Variants in CERS6 observed in about 807,000 individuals in gnomAD.
CERS6 encodes LAG1 homolog, ceramide synthase 6.
A neutral mutation model predicts 56.8 loss-of-function variants in CERS6; 26 were observed. The observed-to-expected ratio is 0.46, with a 90% CI of 0.34 to 0.63. The LOEUF is 0.63. Among genes scored for constraint, CERS6 ranks in the 30% least tolerant of loss-of-function variants. CERS6 has a pLI of 0.01. For missense variants in CERS6, 415 were observed against 467.5 expected (o/e 0.89, Z 1.04); for synonymous variants, 164 against 173.3 (o/e 0.95, Z 0.42).
intron 1 of CERS6, among the ~76,000 whole-genome samples, chr2:168,504,293 C>T (rs1018224462): frequency 6.6e-6 from 1 of 152,012 alleles, no homozygotes; most frequent in Admixed American, 6.6e-5. Context: ...GTCCCAGCTA[C>T]TTGGGAGGCT....
intron 1 of CERS6, among the ~76,000 whole-genome samples, chr2:168,494,405 A>C (rs1417493841): frequency 6.6e-6 from 1 of 152,186 alleles, no homozygotes; most frequent in Non-Finnish European, 1.5e-5. Context: ...CTTCAGTTTC[A>C]TCATCTGTGA....
chr2:168,720,998 T>G (rs994137731), intron 8 of CERS6, among the ~76,000 whole-genome samples: 1 of 152,206 alleles, frequency 6.6e-6, no homozygotes, highest in African/African-American at 2.4e-5. Context: ...CCTACAAGAT[T>G]ATAATGGACC....
intron 3 of CERS6, among the ~76,000 whole-genome samples, chr2:168,570,839 G>A (rs1409132767): frequency 1.3e-5 from 2 of 152,138 alleles, no homozygotes; most frequent in Non-Finnish European, 2.9e-5. Flanking sequence ...GGGATTAAGT[G>A]AGGGGATGTT....
At chr2:168,580,295 C>G (rs1683377740) in intron 3 of CERS6, among the ~76,000 whole-genome samples, 1 of 151,674 alleles carries the variant, frequency 6.6e-6, no homozygotes, top group Non-Finnish European at 1.5e-5. Context: ...ATTTTATGTT[C>G]TTTCTCTCCC....
chr2:168,549,083 G>C (rs1439389379), intron 2 of CERS6, among the ~76,000 whole-genome samples: 1 of 152,050 alleles, frequency 6.6e-6, no homozygotes, highest in Non-Finnish European at 1.5e-5. Context: ...AGGTTCATTT[G>C]TAAGTGTGAT....
intron 8 of CERS6, among the ~76,000 whole-genome samples, chr2:168,758,060 T>C (rs906883432): frequency 6.6e-6 from 1 of 152,238 alleles, no homozygotes; most frequent in Non-Finnish European, 1.5e-5. Context: ...ATGCCCACTT[T>C]TTTTGTTCGG....
In CERS6 at chr2:168,773,554, T is replaced by C. The variant is rs1293400987; in HGVS notation, c.*3892T>C. 6.6e-6 allele frequency: 1 copy of C among 152,204 alleles called. No individual in the cohort carries two copies. Among genetic ancestry groups the C allele is most frequent in the Non-Finnish European group, 1.5e-5 (1 of 68,046 alleles). The allele number at this position is 152,204 out of a possible 1,614,324, so 9.4% of individuals were successfully genotyped here. A position where few individuals can be genotyped will look rare whatever the true frequency, so the allele number is the denominator to read the frequency against. On this transcript the variant is annotated 3_prime_UTR_variant, in exon 10 of 10. Coordinates refer to ENST00000305747, the MANE Select transcript of CERS6 (RefSeq NM_203463.3). ...AAAAGTGATCACATGGCAGTTGCAG[T>C]AACTTGTATGGAAAGAGAAAATGCA... is the stretch of plus-strand genomic sequence containing the variant.
chr2:168,529,688 A>G (rs573502093), intron 1 of CERS6, among the ~76,000 whole-genome samples: 13 of 152,334 alleles, frequency 8.5e-5, no homozygotes, highest in African/African-American at 3.1e-4. Flanking sequence ...TTCAGTTTTT[A>G]GTTCAAGTTA....
At chr2:168,461,209 A>T (rs749499350) in intron 1 of CERS6, among the ~76,000 whole-genome samples, 1 of 152,206 alleles carries the variant, frequency 6.6e-6, no homozygotes, top group Admixed American at 6.5e-5. Flanking sequence ...TGGTTTTCTC[A>T]TGCAATCAGT....
rs35865470 is a variant in CERS6 at position 168,645,142 on chromosome 2, T to TAGAGAGAG, written c.465+14141_465+14148dup. Among the ~76,000 whole-genome samples, 113 of 12,742 alleles carry TAGAGAGAG rather than the reference T, an allele frequency of 8.9e-3. 5 individuals carry two copies. The highest frequency in any genetic ancestry group is 0.14 in the Middle Eastern group (2 of 14). 8.4% of individuals were successfully genotyped at this position (12,742 alleles called of 152,430 possible). ...ATATATATATATATATATATATATA[T>TAGAGAGAG]AGAGAGAGAGAGAGAGAGAGAGAGA... is the stretch of plus-strand genomic sequence containing the variant. On this transcript the variant is annotated intron_variant, in intron 4 of 9. Transcript: ENST00000305747.
chr2:168,484,969 A>G (rs1037651558), intron 1 of CERS6, among the ~76,000 whole-genome samples: 3 of 152,216 alleles, frequency 2.0e-5, no homozygotes, highest in Non-Finnish European at 4.4e-5. Context: ...ATAACTAGGC[A>G]TATTGGAAGT....
chr2:168,545,424 G>A (rs1388267200), intron 1 of CERS6, among the ~76,000 whole-genome samples: 3 of 152,014 alleles, frequency 2.0e-5, no homozygotes, highest in Non-Finnish European at 4.4e-5. Flanking sequence ...AAAGAAAATA[G>A]AGTTTTAAAA....
intron 1 of CERS6, among the ~76,000 whole-genome samples, chr2:168,464,586 T>C (rs1693837306): frequency 6.6e-6 from 1 of 151,850 alleles, no homozygotes; most frequent in Non-Finnish European, 1.5e-5. Flanking sequence ...ATGAAGTAAC[T>C]GATATTAACA....
chr2:168,696,214 C>G (rs904018354), intron 6 of CERS6, among the ~76,000 whole-genome samples: 2 of 152,104 alleles, frequency 1.3e-5, no homozygotes, highest in African/African-American at 4.8e-5. Context: ...GAAACTAAGC[C>G]TTACATACAA....
chr2:168,479,989 G>C (rs1181717272), intron 1 of CERS6, among the ~76,000 whole-genome samples: 4 of 152,188 alleles, frequency 2.6e-5, no homozygotes, highest in Non-Finnish European at 4.4e-5. Flanking sequence ...CCATTTGTTA[G>C]AGCTGTGATG....
intron 4 of CERS6, among the ~76,000 whole-genome samples, chr2:168,645,866 G>T (rs942037355): frequency 7.1e-6 from 1 of 140,466 alleles, no homozygotes; most frequent in Non-Finnish European, 1.5e-5. Context: ...CAAAAGACAT[G>T]CTCTTGTTCT....
At chr2:168,570,149 A>G (rs1291782936) in intron 3 of CERS6, among the ~76,000 whole-genome samples, 3 of 152,162 alleles carry the variant, frequency 2.0e-5, no homozygotes. Flanking sequence ...CAGATTCTCA[A>G]TTTAGGACGA....
intron 1 of CERS6, among the ~76,000 whole-genome samples, chr2:168,537,994 A>G (rs2105366723): frequency 6.6e-6 from 1 of 152,072 alleles, no homozygotes; most frequent in East Asian, 1.9e-4. Context: ...CTGTCAGTGG[A>G]TCCTGTGAGT....
chr2:168,767,025 A>C (rs527501641), intron 9 of CERS6, among the ~76,000 whole-genome samples: 1 of 152,368 alleles, frequency 6.6e-6, no homozygotes, highest in South Asian at 2.1e-4. Flanking sequence ...TTTGGATACA[A>C]ATTTAATCAA....
Sources: allele counts gnomAD v4.1 joint callset (sites outside exome capture counted in the v4.1 genomes callset), GRCh38; gene constraint gnomAD v4.1.1; transcripts MANE v1.5; gene names NCBI Gene and HGNC (gene_info 2026-07-23, HGNC 2026-07-21).